TNS1: variants seen among roughly 807,000 people sequenced by gnomAD.
The protein encoded by TNS1 is tensin-1.
Under a neutral mutation model 168.6 loss-of-function variants are expected in TNS1, and 62 were observed. The observed-to-expected ratio is 0.37, with a 90% CI of 0.30 to 0.45. The LOEUF is 0.45. Ranked by LOEUF, TNS1 falls within the 20% of genes least tolerant of loss-of-function variation. TNS1 has a pLI of 1.00. For missense variants in TNS1, 2,240 were observed against 2,339.4 expected (o/e 0.96, Z 0.88); for synonymous variants, 934 against 933.2 (o/e 1.00, Z -0.02).
intron 27 of TNS1, 74 bp from the exon 28 acceptor site, chr2:217,812,519 AC>A (rs1941120014): frequency 8.4e-7 from 1 of 1,183,966 alleles, no homozygotes; most frequent in Non-Finnish European, 1.2e-6. Context: ...CTCTACCCTT[AC>A]ACCGATACAC....
At chr2:218,025,441 G>A (rs1958842349) in intron 1 of TNS1, among the ~76,000 whole-genome samples, 1 of 152,052 alleles carries the variant, frequency 6.6e-6, no homozygotes, top group Admixed American at 6.6e-5. Flanking sequence ...GTAGAGACTG[G>A]GTTTTACCAT....
chr2:217,962,964 T>C (rs568472642), intron 3 of TNS1, among the ~76,000 whole-genome samples: 56 of 152,304 alleles, frequency 3.7e-4, no homozygotes, highest in Middle Eastern at 6.8e-3. Context: ...TGCATGGTTA[T>C]GTAAGATGTC....
At chr2:217,996,586 C>A (rs142421719) in intron 1 of TNS1, among the ~76,000 whole-genome samples, 1 of 152,242 alleles carries the variant, frequency 6.6e-6, no homozygotes, top group African/African-American at 2.4e-5. Context: ...ACTCTCAACT[C>A]CTCCCTGCAC....
At chr2:217,830,003 G>A (rs1944185668) in intron 22 of TNS1, 3 of 1,496,178 alleles carry the variant, frequency 2.0e-6, no homozygotes, top group Middle Eastern at 1.8e-4. Context: ...ATTATTTCTT[G>A]AGAAAGAGAA....
intron 3 of TNS1, among the ~76,000 whole-genome samples, chr2:217,950,121 T>C (rs532573714): frequency 1.2e-4 from 19 of 152,186 alleles, no homozygotes; most frequent in African/African-American, 4.6e-4. Context: ...CCAAAGAGCA[T>C]CCAGAGGAGG....
chr2:217,997,017 C>T (rs567534788), intron 1 of TNS1, among the ~76,000 whole-genome samples: 352 of 152,112 alleles, frequency 2.3e-3, no homozygotes, highest in Non-Finnish European at 4.1e-3. Context: ...CCCGCCACCC[C>T]ACTGCACCTC....
chr2:217,809,630 T>TGGATGGTGCAC, intron 30 of TNS1, 193 bp downstream of exon 30: 1 of 254,666 alleles, frequency 3.9e-6, no homozygotes. Context: ...GATGGGTGCA[T>TGGATGGTGCAC]GGATGGGTGC....
intron 6 of TNS1, among the ~76,000 whole-genome samples, chr2:217,901,190 T>C (rs942232049): frequency 6.6e-6 from 1 of 152,158 alleles, no homozygotes; most frequent in South Asian, 2.1e-4. Context: ...CAGGATGGCA[T>C]GGCGGGTGTG....
intron 3 of TNS1, among the ~76,000 whole-genome samples, chr2:217,963,308 C>G (rs908626497): frequency 6.6e-6 from 1 of 152,178 alleles, no homozygotes; most frequent in African/African-American, 2.4e-5. Context: ...TGCTCCGGCA[C>G]GGGGTCATCA....
intron 19 of TNS1, among the ~76,000 whole-genome samples, chr2:217,836,825 C>A (rs984652329): frequency 2.0e-5 from 3 of 152,146 alleles, no homozygotes; most frequent in Admixed American, 2.0e-4. Context: ...CTCTTAGCTC[C>A]CCGCCCCCTT....
At chr2:218,026,983 TGGCTGGGGTGTTGAG>T (rs1958854009) in intron 1 of TNS1, among the ~76,000 whole-genome samples, 1 of 152,204 alleles carries the variant, frequency 6.6e-6, no homozygotes, top group South Asian at 2.1e-4. Context: ...TTGGGGCTAC[TGGCTGGGGTGTTGAG>T]GGCTTGGTGG....
At chr2:217,859,856 A>G (rs139354365) in intron 18 of TNS1, among the ~76,000 whole-genome samples, 20 of 152,274 alleles carry the variant, frequency 1.3e-4, no homozygotes, top group Non-Finnish European at 2.4e-4. Flanking sequence ...GGAAAGTGCC[A>G]GGAGTCCCTA....
intron 1 of TNS1, among the ~76,000 whole-genome samples, chr2:217,997,686 T>C (rs1958495715): frequency 6.6e-6 from 1 of 152,200 alleles, no homozygotes; most frequent in Admixed American, 6.5e-5. Context: ...TCTGCCTCAC[T>C]CTACTAATCT....
In TNS1 at chr2:217,814,992, C is replaced by A; in HGVS notation, c.4649G>T (p.Ser1550Ile). The A allele has an allele frequency of 1.2e-6, 2 of 1,611,976 alleles. No individual in the cohort carries two copies. The highest frequency in any genetic ancestry group is 2.2e-5 in the South Asian group (2 of 90,358). ...DFSKYSMPDN[S>I]PETRAKVKFV... The stretch of plus-strand genomic sequence containing the variant: ...CTTCACTTTAGCCCGCGTCTCCGGG[C>A]TGTTGTCTAAAGCAGGAGAAGGGAA... Residue 1550 changes from serine to isoleucine, a missense_variant, in exon 25 of 33, where the codon AGC becomes ATC. This residue lies in a region of TNS1 where 2,131 missense variants were observed against 2,171.2 expected (regional missense o/e 0.98). Coordinates refer to ENST00000682258, the MANE Select transcript of TNS1 (RefSeq NM_001387777.1).
At chr2:217,821,682 C>G in intron 23 of TNS1, 58 bp downstream of exon 23, 1 of 1,396,972 alleles carries the variant, frequency 7.2e-7, no homozygotes, top group Non-Finnish European at 9.3e-7. Context: ...CTCACCCATC[C>G]CGTCCCAGTC....
At chr2:218,004,191 A>T (rs1424125109), upstream of TNS1, among the ~76,000 whole-genome samples, 2 of 152,230 alleles carry the variant, frequency 1.3e-5, no homozygotes, top group Non-Finnish European at 2.9e-5. Flanking sequence ...ACACACACAC[A>T]CAAGGACACA....
upstream of TNS1, among the ~76,000 whole-genome samples, chr2:218,013,571 G>A (rs890283592): frequency 2.0e-5 from 3 of 152,070 alleles, no homozygotes; most frequent in South Asian, 2.1e-4. Flanking sequence ...TTGAAGAGCT[G>A]GTCACCATCC....
In TNS1 at chr2:217,933,342, G is replaced by A. The variant is rs368015512; in HGVS notation, c.187-13106C>T. 2.0e-4 allele frequency among the ~76,000 whole-genome samples: 30 copies of A among 152,212 alleles called. 1 individual carries two copies. The East Asian group carries it at 3.5e-3, about 18-fold the overall frequency. ...CAAAGCTGGCATCAGCTAAAGACCC[G>A]GTGACCCAGACACTGCAGCCCTGCA... On this transcript the variant is annotated intron_variant, in intron 3 of 32. Coordinates refer to ENST00000682258, the MANE Select transcript of TNS1 (RefSeq NM_001387777.1).
chr2:217,896,587 A>G (rs763788008), intron 8 of TNS1, among the ~76,000 whole-genome samples: 3 of 152,176 alleles, frequency 2.0e-5, no homozygotes, highest in Non-Finnish European at 2.9e-5. Context: ...TGGCCCCGTC[A>G]ACACCTTGAT....
Sources: gnomAD v4.1 joint callset for allele counts (sites outside exome capture counted in the v4.1 genomes callset) on GRCh38, gnomAD v4.1.1 for gene constraint, gnomAD v4.1.1 regional missense constraint, MANE v1.5 for transcripts, NCBI Gene and HGNC (gene_info 2026-07-23, HGNC 2026-07-21) for gene names.